The following TCF4 variants were observed in gnomAD, a reference collection of about 807,000 sequenced individuals.
TCF4 encodes the protein SL3-3 enhancer factor 2.
In TCF4, 3 loss-of-function variants were observed where a neutral mutation model predicts 82.1. The observed-to-expected ratio is 0.04, with a 90% confidence interval of 0.02 to 0.09. TCF4 has a LOEUF of 0.09. TCF4 is among the 10% of genes least tolerant of loss of function. TCF4 has a pLI of 1.00. For synonymous variants in TCF4, 276 were observed against 309.6 expected, an observed-to-expected ratio of 0.89 and a Z score of 1.14; for missense variants, 518 against 852.7, an observed-to-expected ratio of 0.61 and a Z score of 4.89.
chr18:55,432,342 C>A (rs2095227287), intron 5 of TCF4, among the ~76,000 whole-genome samples: 1 of 152,070 alleles, frequency 6.6e-6, no homozygotes, highest in Non-Finnish European at 1.5e-5. Context: ...TCTTCCTTTG[C>A]AGCGCTGAAC....
intron 18 of TCF4, 136 bp from the exon 19 acceptor site, chr18:55,228,497 T>A (rs1269906030): frequency 4.8e-6 from 6 of 1,259,766 alleles, no homozygotes; most frequent in African/African-American, 2.9e-5. Context: ...TACTAAGTAC[T>A]GTGGCAATCC....
At chr18:55,248,693 T>C (rs1055006216) in intron 15 of TCF4, among the ~76,000 whole-genome samples, 6 of 152,232 alleles carry the variant, frequency 3.9e-5, no homozygotes, top group Non-Finnish European at 7.3e-5. Flanking sequence ...GGAAGTCGGC[T>C]GAGCAGTGTA....
At chr18:55,435,515 C>A (rs145302056) in intron 5 of TCF4, among the ~76,000 whole-genome samples, 4 of 152,324 alleles carry the variant, frequency 2.6e-5, no homozygotes, top group Middle Eastern at 3.4e-3. Context: ...AAGCCAAGTA[C>A]CTGACACATA....
chr18:55,503,613 C>T (rs1375288304), intron 3 of TCF4, among the ~76,000 whole-genome samples: 1 of 152,154 alleles, frequency 6.6e-6, no homozygotes, highest in Non-Finnish European at 1.5e-5. Flanking sequence ...TCCAACAATA[C>T]CTAGAAAAAT....
intron 5 of TCF4, among the ~76,000 whole-genome samples, chr18:55,430,433 G>C (rs901282425): frequency 1.3e-5 from 2 of 152,166 alleles, no homozygotes; most frequent in Non-Finnish European, 2.9e-5. Flanking sequence ...GATTTTTAGA[G>C]CACAAACAAT....
chr18:55,544,304 C>T (rs925528677), intron 3 of TCF4, among the ~76,000 whole-genome samples: 4 of 152,276 alleles, frequency 2.6e-5, no homozygotes, highest in Middle Eastern at 3.4e-3. Context: ...GTTTTAAGTA[C>T]TCCATGTATG....
chr18:55,528,056 AC>A (rs1329116846), intron 3 of TCF4, among the ~76,000 whole-genome samples: 1 of 152,126 alleles, frequency 6.6e-6, no homozygotes, highest in African/African-American at 2.4e-5. Flanking sequence ...CACAAAAAAA[AC>A]CAAAAGTGTA....
intron 6 of TCF4, chr18:55,402,184 CA>C (rs2093860038): frequency 1.0e-6 from 1 of 985,302 alleles, no homozygotes; most frequent in South Asian, 4.7e-5. Flanking sequence ...CTCAATGCAA[CA>C]AATCTTTCAG....
chr18:55,590,026 G>T (rs549664622), upstream of TCF4, among the ~76,000 whole-genome samples: 2 of 152,360 alleles, frequency 1.3e-5, no homozygotes, highest in East Asian at 1.9e-4. Flanking sequence ...GGCCGAGGTC[G>T]TTCGCAGGCC....
At chr18:55,432,440 C>G (rs1351205938) in intron 5 of TCF4, among the ~76,000 whole-genome samples, 2 of 152,144 alleles carry the variant, frequency 1.3e-5, no homozygotes, top group Non-Finnish European at 2.9e-5. Context: ...TACTGTGCTT[C>G]AAATCTTACA....
chr18:55,342,069 G>A (rs2080099562), intron 8 of TCF4, among the ~76,000 whole-genome samples: 1 of 152,104 alleles, frequency 6.6e-6, no homozygotes, highest in Non-Finnish European at 1.5e-5. Context: ...AAGTATAAAC[G>A]GAGAAAGGAA....
chr18:55,351,743 A>T (rs774087648), intron 6 of TCF4: 9 of 598,208 alleles, frequency 1.5e-5, no homozygotes, highest in Non-Finnish European at 1.9e-5. Context: ...AAATGATGAC[A>T]TCAGAAAGAT....
intron 5 of TCF4, 29 bp downstream of exon 5, chr18:55,460,990 A>C (rs2095859272): frequency 6.3e-7 from 1 of 1,593,738 alleles, no homozygotes; most frequent in Non-Finnish European, 8.6e-7. Context: ...GCATTCAAAA[A>C]GTGTAAGTTA....
Position 55,529,481 on chromosome 18 carries a change from G to A in TCF4, c.145+55799C>T, listed in dbSNP as rs1047036284. The stretch of plus-strand genomic sequence containing the variant: ...AGAGAGAACGAGAGAATGTATGAAC[G>A]AATGGGGTCTTAACCACGATTATTA... On this transcript the variant is annotated intron_variant, in intron 3 of 19. Transcript: ENST00000354452. Among the ~76,000 whole-genome samples the A allele has an allele frequency of 4.6e-5, 7 of 152,146 alleles. No homozygotes were observed. The East Asian group carries it at 7.7e-4, about 17-fold the overall frequency.
chr18:55,447,172 G>A (rs1469886565), intron 5 of TCF4, among the ~76,000 whole-genome samples: 1 of 151,834 alleles, frequency 6.6e-6, no homozygotes, highest in African/African-American at 2.4e-5. Flanking sequence ...TTAGCCAGGT[G>A]TGGTGGCACG....
intron 3 of TCF4, among the ~76,000 whole-genome samples, chr18:55,543,953 G>A (rs2097184933): frequency 6.6e-6 from 1 of 151,814 alleles, no homozygotes; most frequent in Non-Finnish European, 1.5e-5. Context: ...TTCCCATAAT[G>A]TTGGCATATA....
intron 8 of TCF4, among the ~76,000 whole-genome samples, chr18:55,332,660 C>A (rs2077809654): frequency 6.6e-6 from 1 of 152,202 alleles, no homozygotes; most frequent in African/African-American, 2.4e-5. Flanking sequence ...AAACATTGGC[C>A]ATTGCTGTCC....
At chr18:55,574,835 C>T (rs150408229) in intron 3 of TCF4, among the ~76,000 whole-genome samples, 4 of 150,946 alleles carry the variant, frequency 2.6e-5, no homozygotes, top group African/African-American at 7.3e-5. Context: ...AATGAGTGGA[C>T]GAATGAATGT....
chr18:55,479,824 T>G (rs145918969), intron 3 of TCF4, among the ~76,000 whole-genome samples: 1 of 152,196 alleles, frequency 6.6e-6, no homozygotes, highest in Non-Finnish European at 1.5e-5. Flanking sequence ...CCCTGACTAA[T>G]GCATCTTCCA....
Sources: allele counts gnomAD v4.1 joint callset (sites outside exome capture counted in the v4.1 genomes callset), GRCh38; gene constraint gnomAD v4.1.1; transcripts MANE v1.5; gene names NCBI Gene and HGNC (gene_info 2026-07-23, HGNC 2026-07-21).